EFNA5: variants seen among roughly 807,000 people sequenced by gnomAD.
EFNA5 encodes ephrin A5, also known as ephrin-A5.
Under a neutral mutation model 22.9 loss-of-function variants are expected in EFNA5, and 5 were observed. That is an observed-to-expected ratio of 0.22 (90% CI 0.11 to 0.46). The LOEUF (loss-of-function observed/expected upper bound fraction) is 0.46. EFNA5 is among the 20% of genes least tolerant of loss of function. The pLI, the probability that EFNA5 is intolerant of heterozygous loss-of-function variation, is 0.99. For synonymous variants in EFNA5, 113 were observed against 112.2 expected (o/e 1.01, Z -0.04); for missense variants, 237 against 293.3 (o/e 0.81, Z 1.40).
At chr5:107,400,964 C>T (rs1366199995) in intron 2 of EFNA5, among the ~76,000 whole-genome samples, 1 of 152,102 alleles carries the variant, frequency 6.6e-6, no homozygotes, top group Non-Finnish European at 1.5e-5. Context: ...TCAGACAATG[C>T]ACAGATGGAT....
intron 1 of EFNA5, among the ~76,000 whole-genome samples, chr5:107,471,202 A>T (rs926385763): frequency 3.3e-5 from 5 of 152,080 alleles, no homozygotes; most frequent in Non-Finnish European, 5.9e-5. Flanking sequence ...GTAGCATGGA[A>T]CCTATCCAGC....
At chr5:107,429,209 G>A (rs1212296416) in intron 1 of EFNA5, among the ~76,000 whole-genome samples, 1 of 152,230 alleles carries the variant, frequency 6.6e-6, no homozygotes, top group Non-Finnish European at 1.5e-5. Flanking sequence ...TTGGGAGGCT[G>A]GGGCAGGCGG....
At chr5:107,385,029 G>A (rs1317622816) in intron 4 of EFNA5, among the ~76,000 whole-genome samples, 1 of 151,904 alleles carries the variant, frequency 6.6e-6, no homozygotes, top group Non-Finnish European at 1.5e-5. Context: ...AGCTCTGACT[G>A]ACTCAAGGAG....
At chr5:107,531,557 C>G (rs1010138237) in intron 1 of EFNA5, among the ~76,000 whole-genome samples, 4 of 152,236 alleles carry the variant, frequency 2.6e-5, no homozygotes, top group Non-Finnish European at 1.5e-5. Context: ...CCCTAGAGAA[C>G]AGGAGGAGGA....
chr5:107,488,146 T>C (rs1204893024), intron 1 of EFNA5, among the ~76,000 whole-genome samples: 2 of 152,224 alleles, frequency 1.3e-5, no homozygotes, highest in Non-Finnish European at 2.9e-5. Context: ...ATGAGTCCCA[T>C]GTGGGAGATA....
intron 1 of EFNA5, among the ~76,000 whole-genome samples, chr5:107,659,469 C>T (rs962474010): frequency 6.7e-6 from 1 of 148,564 alleles, no homozygotes; most frequent in African/African-American, 2.5e-5. Context: ...ATCCAAGCTG[C>T]TAAAAGTTTG....
chr5:107,449,454 A>C (rs563655733), intron 1 of EFNA5, among the ~76,000 whole-genome samples: 24 of 152,254 alleles, frequency 1.6e-4, no homozygotes, highest in African/African-American at 5.3e-4. Context: ...ACTAATAGAA[A>C]TGTCACCATC....
At chr5:107,660,011 C>G (rs1328569810) in intron 1 of EFNA5, among the ~76,000 whole-genome samples, 1 of 151,356 alleles carries the variant, frequency 6.6e-6, no homozygotes, top group Non-Finnish European at 1.5e-5. Flanking sequence ...TATACATATA[C>G]CCACCCCCTC....
rs1247052613 is a variant in EFNA5 at position 107,378,170 on chromosome 5, A to C, written c.*3085T>G. 6.6e-6 allele frequency: 1 copy of C among 151,780 alleles called. No homozygotes were observed. The allele number at this position is 151,780 out of a possible 1,614,324, so 9.4% of individuals were successfully genotyped here. A position where few individuals can be genotyped will look rare whatever the true frequency, so the allele number is the denominator to read the frequency against. On this transcript the variant is annotated 3_prime_UTR_variant, in exon 5 of 5. Coordinates refer to ENST00000333274, the MANE Select transcript of EFNA5 (RefSeq NM_001962.3). The stretch of plus-strand genomic sequence containing the variant: ...ATGTACAACAGAGGTTGCTAATAAT[A>C]CAGAATTTAAAGAACGCAGTTTTTT...
intron 1 of EFNA5, among the ~76,000 whole-genome samples, chr5:107,441,609 T>C (rs181308514): frequency 1.3e-5 from 2 of 152,296 alleles, no homozygotes; most frequent in Admixed American, 1.3e-4. Context: ...GAGGTGCCTA[T>C]TGTTTTTCTG....
At chr5:107,493,101 A>G (rs1307156758) in intron 1 of EFNA5, among the ~76,000 whole-genome samples, 1 of 152,012 alleles carries the variant, frequency 6.6e-6, no homozygotes, top group Non-Finnish European at 1.5e-5. Flanking sequence ...ATTTGAAGCC[A>G]CCACCTAGAG....
At chr5:107,564,637 T>G (rs1440074901) in intron 1 of EFNA5, among the ~76,000 whole-genome samples, 29 of 144,608 alleles carry the variant, frequency 2.0e-4, no homozygotes, top group South Asian at 1.1e-3. Flanking sequence ...TTTTGTTTTT[T>G]TTTTTTTTTT....
At chr5:107,630,177 G>A (rs893201951) in intron 1 of EFNA5, among the ~76,000 whole-genome samples, 1 of 152,122 alleles carries the variant, frequency 6.6e-6, no homozygotes, top group African/African-American at 2.4e-5. Context: ...ATGTGGCCAG[G>A]GAAGGCAAAA....
rs1173672087 is a variant in EFNA5, at chr5:107,570,372, CT to C, written c.125+100116del. Among the ~76,000 whole-genome samples the C allele has an allele frequency of 2.0e-5, 3 of 152,206 alleles. No homozygotes were observed. The East Asian group carries it at 5.8e-4, about 29-fold the overall frequency. On this transcript the variant is annotated intron_variant, in intron 1 of 4. Transcript: ENST00000333274. ...AAACCTCACTGTTCAAATTCTGTGC[CT>C]TTATCAAGGGAACATGCTGAGCAAA...
intron 1 of EFNA5, among the ~76,000 whole-genome samples, chr5:107,472,721 A>C (rs1750172141): frequency 6.6e-6 from 1 of 152,222 alleles, no homozygotes; most frequent in Non-Finnish European, 1.5e-5. Flanking sequence ...CATCTGCAGC[A>C]CAGAGATCAA....
At chr5:107,635,043 C>CT (rs2112539294) in intron 1 of EFNA5, among the ~76,000 whole-genome samples, 1 of 152,256 alleles carries the variant, frequency 6.6e-6, no homozygotes, top group Admixed American at 6.5e-5. Flanking sequence ...TACATGAGAG[C>CT]TAATATTACA....
chr5:107,649,694 G>T (rs1750691224), intron 1 of EFNA5, among the ~76,000 whole-genome samples: 1 of 152,058 alleles, frequency 6.6e-6, no homozygotes, highest in African/African-American at 2.4e-5. Context: ...ACATATCTCT[G>T]TATAATTATA....
chr5:107,427,705 T>G (rs1419147064), intron 1 of EFNA5, among the ~76,000 whole-genome samples, 196 bp from the exon 2 acceptor site: 2 of 151,990 alleles, frequency 1.3e-5, no homozygotes, highest in Non-Finnish European at 2.9e-5. Flanking sequence ...CATTTTACAG[T>G]GAGATTCCAT....
intron 1 of EFNA5, among the ~76,000 whole-genome samples, chr5:107,544,052 C>T (rs1287772897): frequency 6.6e-6 from 1 of 152,092 alleles, no homozygotes; most frequent in African/African-American, 2.4e-5. Flanking sequence ...GGAGGGAAGC[C>T]CATTATATCT....
Sources: allele counts gnomAD v4.1 joint callset (sites outside exome capture counted in the v4.1 genomes callset), GRCh38; gene constraint gnomAD v4.1.1; transcripts MANE v1.5; gene names NCBI Gene and HGNC (gene_info 2026-07-23, HGNC 2026-07-21).